Variants in ATXN7L1 observed in about 807,000 individuals in gnomAD.
The protein encoded by ATXN7L1 is ataxin 7 like 1, also known as ataxin-7-like protein 1.
A neutral mutation model predicts 70.8 loss-of-function variants in ATXN7L1; 15 were observed. That is an observed-to-expected ratio of 0.21 (90% CI 0.14 to 0.33). The LOEUF (loss-of-function observed/expected upper bound fraction) is 0.33, where lower values mean the gene tolerates loss of function less well. ATXN7L1 is among the 10% of genes least tolerant of loss of function. ATXN7L1 has a pLI of 1.00. For synonymous variants in ATXN7L1, 440 were observed against 445.1 expected (o/e 0.99, Z 0.14); for missense variants, 975 against 1,097.1 (o/e 0.89, Z 1.57).
intron 2 of ATXN7L1, among the ~76,000 whole-genome samples, chr7:105,832,861 T>G (rs2116591341): frequency 6.6e-6 from 1 of 152,312 alleles, no homozygotes; most frequent in East Asian, 1.9e-4. Flanking sequence ...ATCCCACCTT[T>G]AATCCTTCAG....
At chr7:105,616,197 TG>T (rs1325199611) in intron 9 of ATXN7L1, among the ~76,000 whole-genome samples, 1 of 152,206 alleles carries the variant, frequency 6.6e-6, no homozygotes, top group Non-Finnish European at 1.5e-5. Context: ...GCCCAGAGCC[TG>T]TGCCCCAGTG....
intron 3 of ATXN7L1, chr7:105,760,682 T>C (rs1183214742): frequency 2.0e-6 from 1 of 512,152 alleles, no homozygotes; most frequent in Non-Finnish European, 2.5e-6. Context: ...GTTTTCAACA[T>C]ATAAGGGAGA....
At chr7:105,688,645 C>A (rs1193280771) in intron 3 of ATXN7L1, among the ~76,000 whole-genome samples, 1 of 152,210 alleles carries the variant, frequency 6.6e-6, no homozygotes, top group African/African-American at 2.4e-5. Flanking sequence ...GCCAATGAAG[C>A]CTTGTCTGGG....
intron 4 of ATXN7L1, among the ~76,000 whole-genome samples, chr7:105,664,146 G>T (rs1386357214): frequency 2.6e-5 from 4 of 152,008 alleles, no homozygotes. Context: ...TTCTCCCATG[G>T]TCAGCTCCCA....
intron 3 of ATXN7L1, 115 bp downstream of exon 3, chr7:105,788,489 C>A: frequency 1.2e-6 from 1 of 850,562 alleles, no homozygotes; most frequent in Non-Finnish European, 1.9e-6. Flanking sequence ...AGACTTTACC[C>A]ACAGCCTCAG....
At chr7:105,830,141 T>C (rs1039747684) in intron 2 of ATXN7L1, among the ~76,000 whole-genome samples, 1 of 152,182 alleles carries the variant, frequency 6.6e-6, no homozygotes, top group African/African-American at 2.4e-5. Context: ...TCACGACAAG[T>C]ATAGGAGGTA....
chr7:105,763,381 C>T (rs1800792291), intron 3 of ATXN7L1, among the ~76,000 whole-genome samples: 2 of 152,156 alleles, frequency 1.3e-5, no homozygotes, highest in African/African-American at 4.8e-5. Flanking sequence ...CTCCCCAGGA[C>T]CTGGGTTTGC....
intron 2 of ATXN7L1, among the ~76,000 whole-genome samples, chr7:105,801,279 A>G (rs375643626): frequency 1.1e-3 from 173 of 152,350 alleles, no homozygotes; most frequent in African/African-American, 4.0e-3. Flanking sequence ...TTGAACTTCC[A>G]GGCTTCTAAA....
intron 7 of ATXN7L1, among the ~76,000 whole-genome samples, chr7:105,632,162 T>A (rs1790051): frequency 6.6e-6 from 1 of 151,946 alleles, no homozygotes; most frequent in African/African-American, 2.4e-5. Flanking sequence ...ATCCCCAGTG[T>A]GAGACTGCCC....
chr7:105,821,143 G>A (rs745707654), intron 2 of ATXN7L1, among the ~76,000 whole-genome samples: 9 of 152,238 alleles, frequency 5.9e-5, no homozygotes, highest in Non-Finnish European at 1.2e-4. Context: ...GGGTTCAAGC[G>A]ATTCTCCTGC....
intron 4 of ATXN7L1, among the ~76,000 whole-genome samples, chr7:105,647,006 C>G (rs1321344713): frequency 6.6e-6 from 1 of 152,052 alleles, no homozygotes; most frequent in Admixed American, 6.6e-5. Context: ...TAATTTCTCA[C>G]CCTTGTTCTG....
rs146076986 is a variant in ATXN7L1, at chr7:105,871,263, C to T, written c.250+4549G>A. Among the ~76,000 whole-genome samples, 242 of 152,094 alleles carry T rather than the reference C, an allele frequency of 1.6e-3. 1 individual carries two copies. The highest frequency in any genetic ancestry group is 5.6e-3 in the African/African-American group (233 of 41,484). On this transcript the variant is annotated intron_variant, in intron 2 of 11. Transcript: ENST00000419735. Reference sequence around the variant, plus strand: ...GGCAAATAGGCCAAGAGAAGTGAAACGACTTCCAAAGGGCATAGATCAAAA... The same window carrying T: ...GGCAAATAGGCCAAGAGAAGTGAAATGACTTCCAAAGGGCATAGATCAAAA...
At chr7:105,718,522 G>A (rs1188518804) in intron 3 of ATXN7L1, among the ~76,000 whole-genome samples, 6 of 152,228 alleles carry the variant, frequency 3.9e-5, no homozygotes, top group Non-Finnish European at 8.8e-5. Flanking sequence ...ACCTTTTGGT[G>A]TGTGTGCCTG....
chr7:105,604,861 C>G lies in ATXN7L1; in HGVS notation c.*2991G>C, dbSNP rs1228642885. 6.6e-6 allele frequency among the ~76,000 whole-genome samples: 1 copy of G among 152,116 alleles called. No homozygotes were observed. The highest frequency in any genetic ancestry group is 2.1e-4 in the South Asian group (1 of 4,820). On this transcript the variant is annotated 3_prime_UTR_variant, in exon 12 of 12. Coordinates refer to ENST00000419735, the MANE Select transcript of ATXN7L1 (RefSeq NM_020725.2). Reference sequence around the variant, plus strand: ...GTTTTGTTAAAGTGCCATGGGCCGACAGCATAACAAAATATAAGGTGTAAA... The same window carrying G: ...GTTTTGTTAAAGTGCCATGGGCCGAGAGCATAACAAAATATAAGGTGTAAA...
chr7:105,812,651 T>C, intron 2 of ATXN7L1, among the ~76,000 whole-genome samples: 1 of 152,164 alleles, frequency 6.6e-6, no homozygotes, highest in Non-Finnish European at 1.5e-5. Flanking sequence ...ACTGTACAGA[T>C]ATTTACTAAG....
At chr7:105,846,637 T>C (rs530246052) in intron 2 of ATXN7L1, among the ~76,000 whole-genome samples, 2 of 152,244 alleles carry the variant, frequency 1.3e-5, no homozygotes, top group Non-Finnish European at 2.9e-5. Flanking sequence ...AGAGAAAACA[T>C]ATGTCCACAA....
At chr7:105,655,333 C>T (rs144839999) in intron 4 of ATXN7L1, among the ~76,000 whole-genome samples, 13 of 152,334 alleles carry the variant, frequency 8.5e-5, no homozygotes, top group African/African-American at 2.9e-4. Flanking sequence ...TCTCTTACCC[C>T]TTCCCTCTGA....
intron 3 of ATXN7L1, among the ~76,000 whole-genome samples, chr7:105,684,433 G>A (rs1367768754): frequency 6.6e-6 from 1 of 152,048 alleles, no homozygotes; most frequent in Non-Finnish European, 1.5e-5. Flanking sequence ...TTACAGATGG[G>A]GTCTGACCAG....
At chr7:105,793,576 G>C (rs1412092312) in intron 2 of ATXN7L1, among the ~76,000 whole-genome samples, 1 of 152,192 alleles carries the variant, frequency 6.6e-6, no homozygotes. Context: ...CATGTGGACA[G>C]AGGAAGGCTG....
Sources: allele counts gnomAD v4.1 joint callset (sites outside exome capture counted in the v4.1 genomes callset), GRCh38; gene constraint gnomAD v4.1.1; transcripts MANE v1.5; gene names NCBI Gene and HGNC (gene_info 2026-07-23, HGNC 2026-07-21).